The following C10orf105 variants were observed in gnomAD, a reference collection of about 807,000 sequenced individuals.
C10orf105 encodes the protein chromosome 10 open reading frame 105, also known as uncharacterized protein C10orf105.
Under a neutral mutation model 0.6 loss-of-function variants are expected in C10orf105, and 2 were observed. That is an observed-to-expected ratio of 3.18 (90% CI 1.30 to 10.01). The LOEUF (loss-of-function observed/expected upper bound fraction) is 10.01, where lower values mean the gene tolerates loss of function less well. C10orf105 is among the 30% of genes most tolerant of loss of function. The pLI, the probability that C10orf105 is intolerant of heterozygous loss-of-function variation, is 0.04. For missense variants in C10orf105, 209 were observed against 191.4 expected (o/e 1.09, Z -0.54); for synonymous variants, 95 against 82.4 (o/e 1.15, Z -0.83).
Position 71,716,138 on chromosome 10 carries a change from C to T in C10orf105, c.200G>A (p.Ser67Asn), listed in dbSNP as rs1866218195. 1 of 1,550,060 alleles carries T rather than the reference C, an allele frequency of 6.5e-7. No homozygotes were observed. Among genetic ancestry groups the T allele is most frequent in the Admixed American group, 2.0e-5 (1 of 50,878 alleles). ...CATGCACTCGTGAGCCCTGCGGCGGCTCGGGTCCAGCGCGGCCGGCTTGCA... is the reference window on the plus strand; with the variant it reads ...CATGCACTCGTGAGCCCTGCGGCGGTTCGGGTCCAGCGCGGCCGGCTTGCA... ...TLCKPAALDP[S>N]RRRAHECMPH... is the part of the protein sequence containing the mutation. Residue 67 changes from serine (S) to asparagine (N), a missense_variant, in exon 2 of 2, where the codon AGC becomes AAC. Transcript: ENST00000441508.
chr10:71,721,243 A>G (rs1044128978), upstream of C10orf105, among the ~76,000 whole-genome samples: 10 of 152,206 alleles, frequency 6.6e-5, no homozygotes, highest in Non-Finnish European at 1.3e-4. Context: ...GCACCCTGTT[A>G]CATCCCTCCA....
chr10:71,735,643 C>T (rs189390666), intron 1 of C10orf105, among the ~76,000 whole-genome samples: 1 of 152,340 alleles, frequency 6.6e-6, no homozygotes, highest in East Asian at 1.9e-4. Flanking sequence ...GTCACATTAA[C>T]CTAAAAAAGC....
chr10:71,726,374 G>A (rs912133276), intron 1 of C10orf105, among the ~76,000 whole-genome samples: 1 of 152,178 alleles, frequency 6.6e-6, no homozygotes, highest in Non-Finnish European at 1.5e-5. Flanking sequence ...CCCCCAGGCT[G>A]GAAACAATGA....
chr10:71,723,968 G>A, upstream of C10orf105: 1 of 1,504,084 alleles, frequency 6.6e-7, no homozygotes, highest in East Asian at 2.5e-5. Context: ...GTGAAGGGAA[G>A]GAAAGGAACT....
rs1865989784 is a variant in C10orf105 at position 71,712,024 on chromosome 10, G to T, written c.*3912C>A. The T allele has an allele frequency of 6.6e-6, 1 of 152,198 alleles. No individual in the cohort carries two copies. Among genetic ancestry groups the T allele is most frequent in the Non-Finnish European group, 1.5e-5 (1 of 68,078 alleles). The allele number at this position is 152,198 out of a possible 1,614,324, so 9.4% of individuals were successfully genotyped here. A position where few individuals can be genotyped will look rare whatever the true frequency, so the allele number is the denominator to read the frequency against. On this transcript the variant is annotated 3_prime_UTR_variant, in exon 2 of 2. Coordinates refer to ENST00000441508, the MANE Select transcript of C10orf105 (RefSeq NM_001164375.3). ...CCAGAAGTTAGAAATTAAGGTGTCG[G>T]CAGGGTCACGCTTCCTCCAAAGGCT...
chr10:71,723,681 T>G (rs1032032361), upstream of C10orf105, among the ~76,000 whole-genome samples: 2 of 152,156 alleles, frequency 1.3e-5, no homozygotes, highest in African/African-American at 4.8e-5. Context: ...GAGAGGCTCC[T>G]GGGCTCTGAA....
upstream of C10orf105, chr10:71,724,192 G>A (rs1288826026): frequency 5.0e-6 from 7 of 1,406,084 alleles, no homozygotes; most frequent in Middle Eastern, 5.3e-4. Context: ...TCTGGGAGAT[G>A]AGGCCAAGAG....
Position 71,716,146 on chromosome 10 carries a change from C to G in C10orf105, c.192G>C (p.Leu64=), listed in dbSNP as rs1044582896. 3.2e-6 allele frequency: 5 copies of G among 1,550,446 alleles called. No homozygotes were observed. Among genetic ancestry groups the G allele is most frequent in the Non-Finnish European group, 4.4e-6 (5 of 1,146,646 alleles). ...LFMTLCKPAA[L]DPSRRRAHEC... ...CGTGAGCCCTGCGGCGGCTCGGGTC[C>G]AGCGCGGCCGGCTTGCAGAGCGTCA... Residue 64 remains leucine (L), a synonymous_variant, in exon 2 of 2, where the codon CTG becomes CTC. Coordinates refer to ENST00000441508, the MANE Select transcript of C10orf105 (RefSeq NM_001164375.3).
chr10:71,721,043 C>A (rs575090236), upstream of C10orf105, among the ~76,000 whole-genome samples: 1 of 152,340 alleles, frequency 6.6e-6, no homozygotes, highest in Admixed American at 6.5e-5. Flanking sequence ...TCTCCTGAAA[C>A]CAACTGAACA....
chr10:71,728,192 C>G (rs1224145652), intron 1 of C10orf105, among the ~76,000 whole-genome samples: 1 of 152,100 alleles, frequency 6.6e-6, no homozygotes, highest in Non-Finnish European at 1.5e-5. Flanking sequence ...TGCAAACTCC[C>G]CCCCGCACCC....
At chr10:71,737,719 C>T in intron 1 of C10orf105, 1 of 470,920 alleles carries the variant, frequency 2.1e-6, no homozygotes, top group South Asian at 1.5e-5. Context: ...TCAGTGAACC[C>T]CTGGGTACCT....
At chr10:71,720,680 TAA>T (rs932395032), upstream of C10orf105, among the ~76,000 whole-genome samples, 4 of 152,134 alleles carry the variant, frequency 2.6e-5, no homozygotes, top group African/African-American at 9.7e-5. Context: ...CCCTTGCCCA[TAA>T]AAAGAGGCAC....
At position 71,713,536 on chromosome 10, in the gene C10orf105, A is replaced by G; in HGVS notation, c.*2400T>C. On this transcript the variant is annotated 3_prime_UTR_variant, in exon 2 of 2. Coordinates refer to ENST00000441508, the MANE Select transcript of C10orf105 (RefSeq NM_001164375.3). ...GCAATGCTCCCCTCCCTGCATCGGG[A>G]CCAGGAGGCGGGCAGGAAAGGGCTG... 2.0e-6 allele frequency: 1 copy of G among 504,440 alleles called. No individual in the cohort carries two copies. The highest frequency in any genetic ancestry group is 3.6e-6 in the Non-Finnish European group (1 of 281,066). The allele number at this position is 504,440 out of a possible 1,614,324, so 31.2% of individuals were successfully genotyped here. A position where few individuals can be genotyped will look rare whatever the true frequency, so the allele number is the denominator to read the frequency against.
chr10:71,730,384 C>T (rs1839329998), intron 1 of C10orf105: 5 of 1,529,414 alleles, frequency 3.3e-6, no homozygotes, highest in African/African-American at 1.4e-5. Context: ...GCAGTGACCA[C>T]ACAAGGCGGC....
intron 1 of C10orf105, among the ~76,000 whole-genome samples, chr10:71,736,721 G>C (rs1839576586): frequency 6.6e-6 from 1 of 152,236 alleles, no homozygotes; most frequent in African/African-American, 2.4e-5. Context: ...AACACCTGCT[G>C]TGTCCCAGGC....
chr10:71,723,924 A>G, upstream of C10orf105: 1 of 1,102,476 alleles, frequency 9.1e-7, no homozygotes, highest in Non-Finnish European at 1.3e-6. Context: ...CCTCTGAGGG[A>G]GACCACAGGT....
upstream of C10orf105, among the ~76,000 whole-genome samples, chr10:71,723,031 C>A (rs1438013828): frequency 6.6e-6 from 1 of 152,192 alleles, no homozygotes; most frequent in African/African-American, 2.4e-5. Flanking sequence ...AGTCCTGGAC[C>A]AATCCCCTCT....
intron 1 of C10orf105, among the ~76,000 whole-genome samples, chr10:71,730,863 G>A (rs1046305851): frequency 2.0e-5 from 3 of 152,222 alleles, no homozygotes; most frequent in South Asian, 2.1e-4. Context: ...GTCCAGCTCC[G>A]TCATCCCAGG....
At chr10:71,726,969 C>T (rs749831966) in intron 1 of C10orf105, among the ~76,000 whole-genome samples, 7 of 152,214 alleles carry the variant, frequency 4.6e-5, no homozygotes, top group Non-Finnish European at 1.0e-4. Flanking sequence ...TAAAACAGAT[C>T]GAAGCCAGAC....
Sources: gnomAD v4.1 joint callset for allele counts (sites outside exome capture counted in the v4.1 genomes callset) on GRCh38, gnomAD v4.1.1 for gene constraint, MANE v1.5 for transcripts, NCBI Gene and HGNC (gene_info 2026-07-23, HGNC 2026-07-21) for gene names.